Variants in MAGI2 observed in about 807,000 individuals in gnomAD.
The protein encoded by MAGI2 is membrane-associated guanylate kinase, WW and PDZ domain-containing protein 2.
Under a neutral mutation model 133.3 loss-of-function variants are expected in MAGI2, and 35 were observed. The observed-to-expected ratio is 0.26, with a 90% CI of 0.20 to 0.35. MAGI2 has a LOEUF of 0.35. Among genes scored for constraint, MAGI2 ranks in the 10% least tolerant of loss-of-function variants. The pLI, the probability that MAGI2 is intolerant of heterozygous loss-of-function variation, is 1.00. For synonymous variants in MAGI2, 729 were observed against 710.6 expected (o/e 1.03, Z -0.41); for missense variants, 1,636 against 1,863.4 (o/e 0.88, Z 2.25).
intron 9 of MAGI2, among the ~76,000 whole-genome samples, chr7:78,341,407 C>T (rs981702130): frequency 3.9e-5 from 6 of 152,246 alleles, no homozygotes; most frequent in Non-Finnish European, 7.4e-5. Context: ...AGATTTAATG[C>T]TATCCCCATC....
chr7:79,097,946 A>T (rs1246487681), intron 1 of MAGI2, among the ~76,000 whole-genome samples: 2 of 152,066 alleles, frequency 1.3e-5, no homozygotes, highest in Non-Finnish European at 2.9e-5. Flanking sequence ...ACATTGTGAA[A>T]CCCCATCTCT....
intron 18 of MAGI2, among the ~76,000 whole-genome samples, chr7:78,130,531 C>G (rs1393305146): frequency 6.6e-6 from 1 of 152,142 alleles, no homozygotes; most frequent in Admixed American, 6.5e-5. Context: ...ATACCATGGC[C>G]ATCTTTAAAT....
At chr7:78,603,760 A>G (rs1413995226) in intron 3 of MAGI2, among the ~76,000 whole-genome samples, 1 of 152,058 alleles carries the variant, frequency 6.6e-6, no homozygotes, top group Non-Finnish European at 1.5e-5. Context: ...TGACCTCGTG[A>G]TTTATCCGCC....
At chr7:79,276,945 A>G (rs1835272806) in intron 1 of MAGI2, among the ~76,000 whole-genome samples, 1 of 152,046 alleles carries the variant, frequency 6.6e-6, no homozygotes, top group Non-Finnish European at 1.5e-5. Flanking sequence ...CCTGGGTGAT[A>G]GAGTGAAACT....
chr7:78,891,069 A>G (rs958025814), intron 2 of MAGI2, among the ~76,000 whole-genome samples: 1 of 152,212 alleles, frequency 6.6e-6, no homozygotes, highest in African/African-American at 2.4e-5. Flanking sequence ...CCACAGAAAT[A>G]CAAACTACCA....
chr7:78,612,890 T>G (rs2150915991), intron 3 of MAGI2, among the ~76,000 whole-genome samples: 1 of 152,216 alleles, frequency 6.6e-6, no homozygotes. Flanking sequence ...CAGGATGGTC[T>G]CGATCTCCTG....
chr7:78,787,144 C>T (rs945031645), intron 2 of MAGI2, among the ~76,000 whole-genome samples: 1 of 152,044 alleles, frequency 6.6e-6, no homozygotes, highest in Non-Finnish European at 1.5e-5. Flanking sequence ...GAGGGGGTTT[C>T]ACCATGTTGG....
intron 1 of MAGI2, among the ~76,000 whole-genome samples, chr7:79,117,168 T>C (rs1233822105): frequency 6.6e-6 from 1 of 152,174 alleles, no homozygotes; most frequent in Non-Finnish European, 1.5e-5. Flanking sequence ...CTTAGAGTGT[T>C]TAATGGAAAT....
At chr7:78,895,033 G>T (rs1437689924) in intron 2 of MAGI2, among the ~76,000 whole-genome samples, 2 of 152,152 alleles carry the variant, frequency 1.3e-5, no homozygotes, top group African/African-American at 4.8e-5. Flanking sequence ...CCTTTAAGAG[G>T]TGATAAGAGT....
At chr7:79,443,599 T>C (rs1848642495) in intron 1 of MAGI2, among the ~76,000 whole-genome samples, 1 of 152,178 alleles carries the variant, frequency 6.6e-6, no homozygotes, top group African/African-American at 2.4e-5. Context: ...AATACTCATA[T>C]AAGCAAAAAT....
Position 78,019,103 on chromosome 7 carries a change from G to C in MAGI2, c.*212C>G. 1 of 488,658 alleles carries C rather than the reference G, an allele frequency of 2.0e-6. No homozygotes were observed. The highest frequency in any genetic ancestry group is 3.5e-5 in the East Asian group (1 of 28,546). 30.3% of individuals were successfully genotyped at this position (488,658 alleles called of 1,614,324 possible). A position where few individuals can be genotyped will look rare whatever the true frequency, so the allele number is the denominator to read the frequency against. On this transcript the variant is annotated 3_prime_UTR_variant, in exon 22 of 22. Coordinates refer to ENST00000354212, the MANE Select transcript of MAGI2 (RefSeq NM_012301.4). ...CATAGCTGCCAAAGCCCCCACAAGG[G>C]AACCGGGGGCTTTAGGATCAGTTTA...
intron 3 of MAGI2, among the ~76,000 whole-genome samples, chr7:78,561,289 A>G (rs12705589): frequency 0.43 from 64,776 of 152,002 alleles, 14,724 homozygotes; most frequent in Middle Eastern, 0.55. Flanking sequence ...GATTCTGGGC[A>G]GGTGAGTAGG....
chr7:78,773,327 C>CA (rs879464235), intron 2 of MAGI2, among the ~76,000 whole-genome samples: 1 of 143,150 alleles, frequency 7.0e-6, no homozygotes, highest in Non-Finnish European at 1.5e-5. Context: ...AGGCCAGTCC[C>CA]AAAAAAAAAA....
chr7:78,894,747 A>G (rs901004647), intron 2 of MAGI2, among the ~76,000 whole-genome samples: 1 of 152,240 alleles, frequency 6.6e-6, no homozygotes, highest in Non-Finnish European at 1.5e-5. Flanking sequence ...TTTAAAAAAT[A>G]TTCTGAATTC....
At chr7:78,335,861 C>A (rs1789709488) in intron 9 of MAGI2, among the ~76,000 whole-genome samples, 1 of 152,074 alleles carries the variant, frequency 6.6e-6, no homozygotes, top group South Asian at 2.1e-4. Context: ...ATGTACAAAG[C>A]CATAATGATG....
chr7:78,656,617 A>T (rs1442983439), intron 2 of MAGI2, among the ~76,000 whole-genome samples: 1 of 152,186 alleles, frequency 6.6e-6, no homozygotes, highest in Non-Finnish European at 1.5e-5. Flanking sequence ...AATGTACAGC[A>T]TGAGAACTAA....
chr7:79,406,485 T>C (rs1490803208), intron 1 of MAGI2, among the ~76,000 whole-genome samples: 1 of 152,066 alleles, frequency 6.6e-6, no homozygotes, highest in African/African-American at 2.4e-5. Flanking sequence ...AGTGAAAGAA[T>C]AGAGATTTGG....
At chr7:78,684,789 G>A (rs956318537) in intron 2 of MAGI2, among the ~76,000 whole-genome samples, 3 of 151,992 alleles carry the variant, frequency 2.0e-5, no homozygotes, top group Non-Finnish European at 4.4e-5. Flanking sequence ...GATATCCTCG[G>A]CAAAACTAAC....
chr7:78,082,124 T>A (rs573808914), intron 20 of MAGI2, among the ~76,000 whole-genome samples: 2 of 152,332 alleles, frequency 1.3e-5, no homozygotes, highest in East Asian at 3.9e-4. Context: ...AAAAACCATG[T>A]GGAGGGCAAA....
Sources: allele counts gnomAD v4.1 joint callset (sites outside exome capture counted in the v4.1 genomes callset), GRCh38; gene constraint gnomAD v4.1.1; transcripts MANE v1.5; gene names NCBI Gene and HGNC (gene_info 2026-07-23, HGNC 2026-07-21).